Variants in PTPN9 observed in about 807,000 individuals in gnomAD.
The protein encoded by PTPN9 is protein tyrosine phosphatase non-receptor type 9, also known as tyrosine-protein phosphatase non-receptor type 9.
Under a neutral mutation model 69.8 loss-of-function variants are expected in PTPN9, and 26 were observed. The ratio of observed to expected loss-of-function variants is 0.37; its 90% CI spans 0.27 to 0.52. The LOEUF (loss-of-function observed/expected upper bound fraction) is 0.52. Among genes scored for constraint, PTPN9 ranks in the 20% least tolerant of loss-of-function variants. The probability of loss-of-function intolerance (pLI) is 0.91; values close to 1 mark genes in which losing one functional copy is unlikely to be tolerated. For missense variants in PTPN9, 549 were observed against 740.3 expected (o/e 0.74, Z 3.00); for synonymous variants, 274 against 272.5 (o/e 1.01, Z -0.05).
Position 75,578,783 on chromosome 15 carries a change from G to C in PTPN9, c.-7C>G. 8.1e-7 allele frequency: 1 copy of C among 1,238,596 alleles called. No individual in the cohort carries two copies. 76.7% of individuals were successfully genotyped at this position (1,238,596 alleles called of 1,614,324 possible). A position where few individuals can be genotyped will look rare whatever the true frequency, so the allele number is the denominator to read the frequency against. ...GCGCGGTCGCGGGCTCCATCCCCCCGCCACCGCCGCCGGGCGGACAAAACT... is the reference window on the plus strand; with the variant it reads ...GCGCGGTCGCGGGCTCCATCCCCCCCCCACCGCCGCCGGGCGGACAAAACT... On this transcript the variant is annotated 5_prime_UTR_variant, in exon 1 of 13. Transcript: ENST00000618819.
chr15:75,567,038 T>G (rs1253381082), intron 1 of PTPN9, among the ~76,000 whole-genome samples: 1 of 150,168 alleles, frequency 6.7e-6, no homozygotes, highest in African/African-American at 2.5e-5. Flanking sequence ...TTTTTTCAGA[T>G]GCAATCTCAC....
chr15:75,527,874 GAAAA>G, intron 1 of PTPN9, among the ~76,000 whole-genome samples: 1 of 150,106 alleles, frequency 6.7e-6, no homozygotes, highest in East Asian at 2.0e-4. Flanking sequence ...AAGAAAGAAA[GAAAA>G]AAAAAGAAAA....
Position 75,506,059 on chromosome 15 carries a change from G to A in PTPN9, c.640-56C>T, listed in dbSNP as rs967978662. 2.7e-5 allele frequency: 36 copies of A among 1,335,800 alleles called. No homozygotes were observed. In the African/African-American group the frequency reaches 4.1e-4, roughly 15 times the overall value. 82.7% of individuals were successfully genotyped at this position (1,335,800 alleles called of 1,614,324 possible). On this transcript the variant is annotated intron_variant, in intron 6 of 12. Coordinates refer to ENST00000618819, the MANE Select transcript of PTPN9 (RefSeq NM_002833.4). ...GTGGGAGGAGGGAAAGGCATATAGA[G>A]TGACAAAGAATAAATGTATTTATAT...
Position 75,468,549 on chromosome 15 carries a change from T to C in PTPN9, c.*220A>G. 1 of 473,616 alleles carries C rather than the reference T, an allele frequency of 2.1e-6. No individual in the cohort carries two copies. The highest frequency in any genetic ancestry group is 3.3e-5 in the Admixed American group (1 of 30,056). 29.3% of individuals were successfully genotyped at this position (473,616 alleles called of 1,614,324 possible). On this transcript the variant is annotated 3_prime_UTR_variant, in exon 13 of 13. Coordinates refer to ENST00000618819, the MANE Select transcript of PTPN9 (RefSeq NM_002833.4). ...TAAGGCACAGTTTGATAGCAGATGC[T>C]AGGAATTAAGAACACATTGCTACTG...
At chr15:75,523,466 A>G (rs2074914021) in intron 3 of PTPN9, among the ~76,000 whole-genome samples, 1 of 152,150 alleles carries the variant, frequency 6.6e-6, no homozygotes, top group South Asian at 2.1e-4. Context: ...TAAGAAAAAA[A>G]AAACACATTC....
At chr15:75,557,995 G>C (rs546389508) in intron 1 of PTPN9, among the ~76,000 whole-genome samples, 2 of 152,112 alleles carry the variant, frequency 1.3e-5, no homozygotes, top group South Asian at 4.1e-4. Flanking sequence ...AGGAGTTCAA[G>C]ACCAGCCTGG....
At chr15:75,493,240 TAAGAG>T (rs1421947329) in intron 7 of PTPN9, among the ~76,000 whole-genome samples, 3 of 150,768 alleles carry the variant, frequency 2.0e-5, no homozygotes, top group African/African-American at 7.3e-5. Context: ...AGATAGTCAA[TAAGAG>T]AAAAGTAACC....
At chr15:75,504,805 G>T (rs1294869751) in intron 7 of PTPN9, among the ~76,000 whole-genome samples, 5 of 137,490 alleles carry the variant, frequency 3.6e-5, no homozygotes, top group Non-Finnish European at 7.8e-5. Flanking sequence ...AGGTGGGGGG[G>T]TCAGCCCCCC....
chr15:75,566,016 A>C (rs562846434), intron 1 of PTPN9, among the ~76,000 whole-genome samples: 3 of 152,174 alleles, frequency 2.0e-5, no homozygotes, highest in Non-Finnish European at 4.4e-5. Context: ...TCTTATCTGA[A>C]AAAGAAAAGT....
intron 9 of PTPN9, among the ~76,000 whole-genome samples, chr15:75,476,732 T>C (rs1479639313): frequency 6.6e-6 from 1 of 152,186 alleles, no homozygotes; most frequent in African/African-American, 2.4e-5. Flanking sequence ...ATTATTTTTG[T>C]TTTCTAAATG....
chr15:75,556,379 TTTATTA>T (rs932773708), intron 1 of PTPN9, among the ~76,000 whole-genome samples: 4 of 145,162 alleles, frequency 2.8e-5, no homozygotes, highest in African/African-American at 7.7e-5. Flanking sequence ...TAATTATTAT[TTTATTA>T]TTATTATTTT....
intron 8 of PTPN9, among the ~76,000 whole-genome samples, chr15:75,481,052 A>G (rs2074630155): frequency 3.5e-5 from 2 of 56,344 alleles, no homozygotes; most frequent in African/African-American, 7.4e-5. Flanking sequence ...CCGCCATCAC[A>G]TCTAGGAAGT....
chr15:75,527,844 G>A (rs1332347490), intron 1 of PTPN9, among the ~76,000 whole-genome samples: 7 of 146,814 alleles, frequency 4.8e-5, no homozygotes, highest in African/African-American at 1.5e-4. Flanking sequence ...CAACAAGAGC[G>A]AAACTGTCTC....
intron 9 of PTPN9, among the ~76,000 whole-genome samples, chr15:75,476,865 A>T (rs554477246): frequency 6.6e-6 from 1 of 152,256 alleles, no homozygotes; most frequent in Non-Finnish European, 1.5e-5. Flanking sequence ...CAACTCTCAT[A>T]TACTTCATTT....
At chr15:75,530,649 A>G (rs1163819048) in intron 1 of PTPN9, among the ~76,000 whole-genome samples, 2 of 36,368 alleles carry the variant, frequency 5.5e-5, no homozygotes, top group Non-Finnish European at 7.8e-5. Flanking sequence ...ACTATAATAT[A>G]TATTATTATA....
At chr15:75,513,844 A>G (rs2074855206) in intron 5 of PTPN9, among the ~76,000 whole-genome samples, 1 of 151,876 alleles carries the variant, frequency 6.6e-6, no homozygotes, top group Non-Finnish European at 1.5e-5. Context: ...CACGTCTTTA[A>G]TCCTAGCACT....
chr15:75,480,521 G>C (rs1040069959), intron 8 of PTPN9: 61 of 291,422 alleles, frequency 2.1e-4, no homozygotes, highest in Non-Finnish European at 2.5e-4. Flanking sequence ...CGAAGGCGCC[G>C]CGGGCTGGGG....
intron 8 of PTPN9, among the ~76,000 whole-genome samples, chr15:75,481,881 G>A (rs1302875832): frequency 7.5e-5 from 11 of 146,762 alleles, no homozygotes; most frequent in Admixed American, 6.8e-4. Context: ...GGGAGGTGAG[G>A]GGGCGCCTCT....
intron 1 of PTPN9, among the ~76,000 whole-genome samples, chr15:75,552,121 G>T (rs527533622): frequency 6.6e-6 from 1 of 151,844 alleles, no homozygotes; most frequent in Admixed American, 6.6e-5. Flanking sequence ...AAGCACTGCC[G>T]GGCACGGCGG....
Sources: gnomAD v4.1 joint callset for allele counts (sites outside exome capture counted in the v4.1 genomes callset) on GRCh38, gnomAD v4.1.1 for gene constraint, MANE v1.5 for transcripts, NCBI Gene and HGNC (gene_info 2026-07-23, HGNC 2026-07-21) for gene names.